Variants in STX18 observed in about 807,000 individuals in gnomAD.
The protein encoded by STX18 is syntaxin 18.
STX18 carries 40 observed loss-of-function variants against 50.1 expected under a neutral mutation model. The ratio of observed to expected loss-of-function variants is 0.80; its 90% CI spans 0.62 to 1.04. STX18 has a LOEUF of 1.04. STX18 is among the 50% of genes least tolerant of loss of function. The pLI, the probability that STX18 is intolerant of heterozygous loss-of-function variation, is 0.00. For missense variants in STX18, 410 were observed against 415.8 expected, an observed-to-expected ratio of 0.99 and a Z score of 0.12; for synonymous variants, 158 against 151.8, an observed-to-expected ratio of 1.04 and a Z score of -0.30.
intron 2 of STX18, among the ~76,000 whole-genome samples, chr4:4,471,190 G>GT (rs1727897212): frequency 1.3e-5 from 2 of 152,332 alleles, no homozygotes; most frequent in South Asian, 4.1e-4. Flanking sequence ...ATCCAGCGAC[G>GT]TGAGGGTAAG....
At chr4:4,524,995 A>G (rs1022177093) in intron 1 of STX18, among the ~76,000 whole-genome samples, 3 of 152,230 alleles carry the variant, frequency 2.0e-5, no homozygotes, top group Non-Finnish European at 4.4e-5. Context: ...AAGGTACAAC[A>G]CAAAATAGAA....
intron 1 of STX18, among the ~76,000 whole-genome samples, chr4:4,501,327 C>T (rs569970252): frequency 4.1e-4 from 63 of 152,280 alleles, no homozygotes; most frequent in East Asian, 2.9e-3. Flanking sequence ...TCACAGCACC[C>T]CTCCCAGCCT....
chr4:4,519,882 T>G (rs1199333141), intron 1 of STX18, among the ~76,000 whole-genome samples: 2 of 152,176 alleles, frequency 1.3e-5, no homozygotes, highest in African/African-American at 4.8e-5. Flanking sequence ...CGCAGCAGTT[T>G]ATTGCTAAGT....
intron 1 of STX18, among the ~76,000 whole-genome samples, chr4:4,496,677 C>T (rs985472711): frequency 5.3e-5 from 8 of 152,274 alleles, no homozygotes; most frequent in Admixed American, 4.6e-4. Flanking sequence ...TGGTGCTGCC[C>T]AATCCAACTG....
intron 5 of STX18, among the ~76,000 whole-genome samples, chr4:4,443,341 C>CT (rs1282194753): frequency 6.6e-6 from 1 of 152,210 alleles, no homozygotes; most frequent in Non-Finnish European, 1.5e-5. Context: ...GAATGTATAC[C>CT]TTTATACACT....
At position 4,438,457 on chromosome 4, in the gene STX18, CAGA is replaced by C. The variant is rs764868379; in HGVS notation, c.547_549del (p.Ser183del). ...TTTGAAGGACTCTGTGAAACTTTCT[CAGA>C]AGATGTGGATTCTCTTGTCTTTGTA... On this transcript the variant is annotated inframe_deletion, in exon 6 of 11. Coordinates refer to ENST00000306200, the MANE Select transcript of STX18 (RefSeq NM_016930.4). The C allele has an allele frequency of 1.9e-6, 3 of 1,613,782 alleles. No individual in the cohort carries two copies. Among genetic ancestry groups the C allele is most frequent in the Non-Finnish European group, 2.5e-6 (3 of 1,179,822 alleles).
chr4:4,446,275 A>G (rs964485343), intron 5 of STX18, among the ~76,000 whole-genome samples: 1 of 152,200 alleles, frequency 6.6e-6, no homozygotes, highest in Non-Finnish European at 1.5e-5. Context: ...ACATAAAATA[A>G]TATCTTAGTG....
chr4:4,426,997 A>T lies in STX18; in HGVS notation c.703-1775T>A, dbSNP rs570241427. ...CGATCTGATACCTCAGGGCAGACTG[A>T]ATCACCTTCTCTTACTTTCTCACTC... On this transcript the variant is annotated intron_variant, in intron 7 of 10. Coordinates refer to ENST00000306200, the MANE Select transcript of STX18 (RefSeq NM_016930.4). Among the ~76,000 whole-genome samples the T allele has an allele frequency of 8.1e-4, 124 of 152,252 alleles. 1 individual carries two copies. Among genetic ancestry groups the T allele is most frequent in the African/African-American group, 2.6e-3 (109 of 41,548 alleles).
At chr4:4,467,320 C>T (rs1727663738) in intron 2 of STX18, among the ~76,000 whole-genome samples, 1 of 152,154 alleles carries the variant, frequency 6.6e-6, no homozygotes, top group South Asian at 2.1e-4. Context: ...AAATTAACTT[C>T]CTCCCAAAGT....
Position 4,434,847 on chromosome 4 carries a change from C to A in STX18, c.625G>T (p.Ala209Ser), listed in dbSNP as rs138608980. ...GTTCCCAATTCAGGTTGTGTTTCAG[C>A]CAAAATTTTTTCTGTTAAAAAAAAA... is the stretch of plus-strand genomic sequence containing the variant. ...ATEERPEKIL[A>S]ETQPELGTWG... is the part of the protein sequence containing the mutation. Residue 209 changes from alanine (A) to serine (S), a missense_variant, in exon 7 of 11, where the codon GCT (alanine) becomes TCT (serine). By Grantham distance (99) the Ala-to-Ser change is moderately conservative. Coordinates refer to ENST00000306200, the MANE Select transcript of STX18 (RefSeq NM_016930.4). 303 of 1,598,036 alleles carry A rather than the reference C, an allele frequency of 1.9e-4. 3 individuals carry two copies. In the African/African-American group the frequency reaches 3.7e-3, roughly 20 times the overall value.
At chr4:4,513,403 CAATCATA>C (rs1440635194) in intron 1 of STX18, among the ~76,000 whole-genome samples, 1 of 152,088 alleles carries the variant, frequency 6.6e-6, no homozygotes, top group African/African-American at 2.4e-5. Context: ...AGCCAGGAGC[CAATCATA>C]ACCAAAGGAT....
At chr4:4,496,759 A>T (rs1729194788) in intron 1 of STX18, among the ~76,000 whole-genome samples, 1 of 152,180 alleles carries the variant, frequency 6.6e-6, no homozygotes, top group African/African-American at 2.4e-5. Flanking sequence ...GAGTTTGGAG[A>T]AAAAATTACC....
chr4:4,517,456 C>T (rs977723302), intron 1 of STX18, among the ~76,000 whole-genome samples: 4 of 152,164 alleles, frequency 2.6e-5, no homozygotes, highest in African/African-American at 9.7e-5. Flanking sequence ...AATTTACAGT[C>T]ACATAATTAA....
At chr4:4,439,435 C>T (rs1368181883) in intron 5 of STX18, among the ~76,000 whole-genome samples, 5 of 122,776 alleles carry the variant, frequency 4.1e-5, no homozygotes, top group Non-Finnish European at 8.1e-5. Context: ...ATACCCCCCA[C>T]ATATACCCTC....
At chr4:4,482,122 C>A (rs1439021344) in intron 1 of STX18, among the ~76,000 whole-genome samples, 1 of 152,160 alleles carries the variant, frequency 6.6e-6, no homozygotes, top group South Asian at 2.1e-4. Flanking sequence ...AAACCTATAA[C>A]TCCTTTTCTT....
intron 1 of STX18, among the ~76,000 whole-genome samples, chr4:4,482,604 T>C (rs1728515185): frequency 6.6e-6 from 1 of 152,248 alleles, no homozygotes; most frequent in Non-Finnish European, 1.5e-5. Context: ...TACCAGCTTC[T>C]GTTCCTGCAC....
chr4:4,477,782 C>T (rs1425969490), intron 1 of STX18: 5 of 152,210 alleles, frequency 3.3e-5, no homozygotes, highest in South Asian at 2.1e-4. Context: ...AAAGCCTCCA[C>T]GTGGGCAATA....
intron 1 of STX18, among the ~76,000 whole-genome samples, chr4:4,541,546 A>G (rs868158133): frequency 1.4e-4 from 22 of 151,940 alleles, no homozygotes; most frequent in Admixed American, 1.0e-3. Context: ...ATTTCTGAGG[A>G]TCTCCTTTCT....
At chr4:4,513,285 T>C (rs1161122181) in intron 1 of STX18, among the ~76,000 whole-genome samples, 6 of 152,194 alleles carry the variant, frequency 3.9e-5, no homozygotes, top group Non-Finnish European at 1.5e-5. Flanking sequence ...AGCTTTGCCT[T>C]AGGCAAGCCA....
Sources: allele counts gnomAD v4.1 joint callset (sites outside exome capture counted in the v4.1 genomes callset), GRCh38; gene constraint gnomAD v4.1.1; transcripts MANE v1.5; gene names NCBI Gene and HGNC (gene_info 2026-07-23, HGNC 2026-07-21).